The following ERN1 variants were observed in gnomAD, a reference collection of about 807,000 sequenced individuals.
The protein encoded by ERN1 is serine/threonine-protein kinase/endoribonuclease IRE1.
Under a neutral mutation model 113.1 loss-of-function variants are expected in ERN1, and 39 were observed. The observed-to-expected ratio is 0.34, with a 90% CI of 0.27 to 0.45. The LOEUF (loss-of-function observed/expected upper bound fraction) is 0.45. Among genes scored for constraint, ERN1 ranks in the 20% least tolerant of loss-of-function variants. The pLI is 1.00. For synonymous variants in ERN1, 507 were observed against 515.9 expected, an observed-to-expected ratio of 0.98 and a Z score of 0.23; for missense variants, 976 against 1,274.8, an observed-to-expected ratio of 0.77 and a Z score of 3.57.
At chr17:64,114,636 C>A (rs1216279547) in intron 1 of ERN1, among the ~76,000 whole-genome samples, 1 of 151,994 alleles carries the variant, frequency 6.6e-6, no homozygotes, top group East Asian at 1.9e-4. Flanking sequence ...CTTTTTTTTA[C>A]GTGTCTTATT....
At chr17:64,087,961 G>T (rs771796789) in intron 2 of ERN1, among the ~76,000 whole-genome samples, 1 of 152,180 alleles carries the variant, frequency 6.6e-6, no homozygotes, top group Non-Finnish European at 1.5e-5. Context: ...TAAGTCAGCT[G>T]AACAGAAAAA....
chr17:64,075,172 T>C lies in ERN1; in HGVS notation c.355+3A>G, dbSNP rs933367104. On this transcript the variant is annotated splice_donor_region_variant and intron_variant, in intron 5 of 21. Transcript: ENST00000433197. ...ACAAGTTTCTGGAGACAGGAACTCT[T>C]ACCCATGTAGAGGATTCCATCTGAA... 2 of 1,545,002 alleles carry C rather than the reference T, an allele frequency of 1.3e-6. No homozygotes were observed. The highest frequency in any genetic ancestry group is 8.8e-7 in the Non-Finnish European group (1 of 1,142,728).
intron 1 of ERN1, among the ~76,000 whole-genome samples, chr17:64,105,960 CAA>C (rs1176683809): frequency 2.6e-4 from 25 of 97,474 alleles, no homozygotes; most frequent in Admixed American, 4.3e-4. Context: ...AACTCCAACT[CAA>C]AAAAAAAAAA....
intron 2 of ERN1, among the ~76,000 whole-genome samples, chr17:64,087,389 G>T (rs1250422879): frequency 2.0e-5 from 3 of 152,174 alleles, no homozygotes; most frequent in Admixed American, 2.0e-4. Flanking sequence ...CAACTGCTAT[G>T]GGTGTCTCAG....
chr17:64,108,295 A>G, intron 1 of ERN1, among the ~76,000 whole-genome samples: 1 of 151,910 alleles, frequency 6.6e-6, no homozygotes, highest in Non-Finnish European at 1.5e-5. Flanking sequence ...GTTCCCCCCA[A>G]ACTGGTTTTG....
intron 1 of ERN1, chr17:64,102,762 C>T (rs1363129427): frequency 2.0e-6 from 2 of 985,288 alleles, no homozygotes; most frequent in Non-Finnish European, 2.4e-6. Context: ...CTTTTCTCTA[C>T]AAGCAACATA....
intron 1 of ERN1, among the ~76,000 whole-genome samples, chr17:64,126,709 G>C (rs1915090066): frequency 6.6e-6 from 1 of 152,132 alleles, no homozygotes; most frequent in Admixed American, 6.5e-5. Context: ...TATGGCCTCA[G>C]TATAAACACT....
chr17:64,049,205 GAA>G lies in ERN1; in HGVS notation c.2254-5_2254-4del. On this transcript the variant is annotated splice_polypyrimidine_tract_variant and splice_region_variant and intron_variant, in intron 17 of 21. Coordinates refer to ENST00000433197, the MANE Select transcript of ERN1 (RefSeq NM_001433.5). The surrounding 1 kb of genome is among the most constrained non-coding windows in gnomAD (Gnocchi z 4.7). Reference sequence around the variant, plus strand: ...GAAAAGATGTCCACCGTGTAGGTCTGAAAAGAGACATGAGGCGTGAGAGGTCT... The same window carrying G: ...GAAAAGATGTCCACCGTGTAGGTCTGAAGAGACATGAGGCGTGAGAGGTCT... 1 of 1,575,530 alleles carries G rather than the reference GAA, an allele frequency of 6.3e-7. No individual in the cohort carries two copies. Among genetic ancestry groups the G allele is most frequent in the Non-Finnish European group, 8.7e-7 (1 of 1,151,464 alleles).
At chr17:64,075,277 A>G (rs1913557419) in intron 4 of ERN1, 30 bp from the exon 5 acceptor site, 1 of 1,464,682 alleles carries the variant, frequency 6.8e-7, no homozygotes, top group Non-Finnish European at 9.1e-7. Context: ...GAAAAAAAAA[A>G]GTTAACCAAG....
chr17:64,115,630 T>C (rs1374945966), intron 1 of ERN1, among the ~76,000 whole-genome samples: 1 of 152,202 alleles, frequency 6.6e-6, no homozygotes, highest in East Asian at 1.9e-4. Flanking sequence ...AAACCTGTTA[T>C]TTTATCCTCT....
intron 2 of ERN1, among the ~76,000 whole-genome samples, chr17:64,084,546 A>G (rs1266282956): frequency 6.6e-6 from 1 of 152,090 alleles, no homozygotes; most frequent in Non-Finnish European, 1.5e-5. Flanking sequence ...AAAAATAGAG[A>G]TAACATCAAC....
chr17:64,055,798 A>G lies in ERN1; in HGVS notation c.1549T>C (p.Tyr517His), dbSNP rs1225378243. 2 of 1,586,814 alleles carry G rather than the reference A, an allele frequency of 1.3e-6. No individual in the cohort carries two copies. The highest frequency in any genetic ancestry group is 1.7e-6 in the Non-Finnish European group (2 of 1,167,034). Reference protein sequence around the residue: ...DGELLDTSGPYSESSGTSSPS... With the variant: ...DGELLDTSGPHSESSGTSSPS... ...CTGCTGGTGCCCGAGCTCTCTGAGT[A>G]CGGGCCAGACGTGTCCAGGAGCTCG... Residue 517 changes from tyrosine (Y) to histidine (H), a missense_variant, in exon 13 of 22, where the codon TAC becomes CAC. Transcript: ENST00000433197.
chr17:64,051,243 A>G (rs1912674686), intron 17 of ERN1, among the ~76,000 whole-genome samples: 1 of 152,184 alleles, frequency 6.6e-6, no homozygotes, highest in African/African-American at 2.4e-5. Context: ...AAGAATTTCT[A>G]CTCAACTGAG....
chr17:64,095,704 A>C (rs1567878514), intron 2 of ERN1, among the ~76,000 whole-genome samples: 1 of 152,256 alleles, frequency 6.6e-6, no homozygotes, highest in East Asian at 1.9e-4. Context: ...TTTCCTGTTC[A>C]GTCAGATACA....
chr17:64,079,809 C>A lies in ERN1; in HGVS notation c.210-75G>T, dbSNP rs539797065. 5 of 1,172,784 alleles carry A rather than the reference C, an allele frequency of 4.3e-6. No homozygotes were observed. The South Asian group carries it at 5.2e-5, about 12-fold the overall frequency. The allele number at this position is 1,172,784 out of a possible 1,614,324, so 72.6% of individuals were successfully genotyped here. A position where few individuals can be genotyped will look rare whatever the true frequency, so the allele number is the denominator to read the frequency against. On this transcript the variant is annotated intron_variant, in intron 3 of 21. Coordinates refer to ENST00000433197, the MANE Select transcript of ERN1 (RefSeq NM_001433.5). ...GAACAACATACCAAAGCCACGCAAA[C>A]CCATGATGGAGGAATAGAGAGTGGA...
intron 2 of ERN1, among the ~76,000 whole-genome samples, chr17:64,093,949 C>G (rs1477183285): frequency 6.6e-6 from 1 of 152,214 alleles, no homozygotes; most frequent in Non-Finnish European, 1.5e-5. Context: ...CTGGTGGTCA[C>G]AGAGACTAGC....
intron 17 of ERN1, among the ~76,000 whole-genome samples, chr17:64,051,701 G>A (rs945402972): frequency 6.6e-6 from 1 of 152,204 alleles, no homozygotes. Flanking sequence ...AATTCCAAGA[G>A]ACAGAATCAA....
At chr17:64,121,080 T>C (rs528325558) in intron 1 of ERN1, among the ~76,000 whole-genome samples, 2 of 152,070 alleles carry the variant, frequency 1.3e-5, no homozygotes, top group African/African-American at 4.8e-5. Context: ...GCACCTTCCT[T>C]CCCCCCTTGC....
intron 1 of ERN1, among the ~76,000 whole-genome samples, chr17:64,106,764 A>ACACACACACACACAC (rs1555618810): frequency 5.2e-5 from 6 of 115,098 alleles, no homozygotes; most frequent in East Asian, 2.0e-4. Context: ...ACACACACAC[A>ACACACACACACACAC]AGCTCGCTGT....
Sources: gnomAD v4.1 joint callset for allele counts (sites outside exome capture counted in the v4.1 genomes callset) on GRCh38, gnomAD v4.1.1 for gene constraint, Gnocchi (gnomAD v3.1) non-coding constraint, MANE v1.5 for transcripts, NCBI Gene and HGNC (gene_info 2026-07-23, HGNC 2026-07-21) for gene names.